The following STON2 variants were observed in gnomAD, a reference collection of about 807,000 sequenced individuals.
STON2 encodes the protein stonin-2.
STON2 carries 29 observed loss-of-function variants against 65.7 expected under a neutral mutation model. The observed-to-expected ratio is 0.44, with a 90% CI of 0.33 to 0.60. The LOEUF (loss-of-function observed/expected upper bound fraction) is 0.60. STON2 is among the 20% of genes least tolerant of loss of function. STON2 has a pLI of 0.03. For synonymous variants in STON2, 404 were observed against 414.2 expected (o/e 0.98, Z 0.30); for missense variants, 1,054 against 1,118.1 (o/e 0.94, Z 0.82).
At chr14:81,403,188 T>C (rs773197923), upstream of STON2, among the ~76,000 whole-genome samples, 33 of 152,198 alleles carry the variant, frequency 2.2e-4, no homozygotes, top group Non-Finnish European at 4.0e-4. Context: ...CATATATTAA[T>C]ACATTATTAA....
chr14:81,409,208 C>G (rs1383992902), intron 2 of STON2, among the ~76,000 whole-genome samples: 1 of 151,934 alleles, frequency 6.6e-6, no homozygotes, highest in African/African-American at 2.4e-5. Context: ...ATTTTCTGAC[C>G]AGACTGGCCA....
intron 4 of STON2, among the ~76,000 whole-genome samples, chr14:81,360,614 C>A (rs1245694151): frequency 6.6e-6 from 1 of 152,118 alleles, no homozygotes; most frequent in Non-Finnish European, 1.5e-5. Flanking sequence ...AGTCCTAGAA[C>A]AAGACAAGGA....
At chr14:81,368,308 G>A (rs990605175) in intron 4 of STON2, among the ~76,000 whole-genome samples, 3 of 152,102 alleles carry the variant, frequency 2.0e-5, no homozygotes, top group Non-Finnish European at 4.4e-5. Flanking sequence ...CTAGGAAATG[G>A]GGAGAATGAC....
At chr14:81,395,060 G>C (rs994108179) in intron 3 of STON2, 1 of 152,178 alleles carries the variant, frequency 6.6e-6, no homozygotes, top group African/African-American at 2.4e-5. Context: ...GCTTTACTAA[G>C]CTCCCCAGTG....
chr14:81,369,785 C>T (rs576808946), intron 4 of STON2, among the ~76,000 whole-genome samples: 81 of 152,208 alleles, frequency 5.3e-4, no homozygotes, highest in African/African-American at 1.9e-3. Flanking sequence ...GGAAAGGGGG[C>T]CCAGAGCAAT....
At chr14:81,352,203 C>T (rs966718496) in intron 4 of STON2, among the ~76,000 whole-genome samples, 29 of 151,974 alleles carry the variant, frequency 1.9e-4, no homozygotes, top group African/African-American at 6.3e-4. Flanking sequence ...CTAATACAAC[C>T]ATTAATACAG....
At position 81,278,077 on chromosome 14, in the gene STON2, G is replaced by C. The variant is rs1203949037; in HGVS notation, c.1405C>G (p.Leu469Val). ...GCTGATCCAGGCGGGTGAGCATCTA[G>C]TTCAATCCAGGCTACTGGGTCATCA... is the stretch of plus-strand genomic sequence containing the variant. Reference protein sequence around the residue: ...PDDDPVAWIELDAHPPGSARS... With the variant: ...PDDDPVAWIEVDAHPPGSARS... The change falls in exon 6 of 8, where the codon CTA becomes GTA. Residue 469 changes from leucine (L) to valine (V), a missense_variant. Transcript: ENST00000614646. 6.2e-7 allele frequency: 1 copy of C among 1,614,100 alleles called. No individual in the cohort carries two copies. The highest frequency in any genetic ancestry group is 8.5e-7 in the Non-Finnish European group (1 of 1,180,058).
intron 5 of STON2, among the ~76,000 whole-genome samples, chr14:81,283,530 A>AT (rs10653687): frequency 0.1 from 13,465 of 128,812 alleles, 1,318 homozygotes; most frequent in African/African-American, 0.23. Flanking sequence ...CAGATACTGC[A>AT]TTTTTTTTTT....
At chr14:81,392,711 C>A (rs1467567604) in intron 3 of STON2, among the ~76,000 whole-genome samples, 1 of 151,576 alleles carries the variant, frequency 6.6e-6, no homozygotes, top group Non-Finnish European at 1.5e-5. Context: ...TTTTTCAAGA[C>A]AATTATTACA....
Position 81,278,366 on chromosome 14 carries a change from G to A in STON2, c.1116C>T (p.Phe372=), listed in dbSNP as rs961775637. The A allele has an allele frequency of 4.3e-6, 7 of 1,614,128 alleles. No individual in the cohort carries two copies. Among genetic ancestry groups the A allele is most frequent in the Non-Finnish European group, 5.9e-6 (7 of 1,180,062 alleles). Residue 372 remains phenylalanine (F), a synonymous_variant, in exon 6 of 8, where the codon TTC becomes TTT. Transcript: ENST00000614646. ...GTACATCCTGCAGAGTCTCATTCAG[G>A]AAAGGGTTGGTTGCCCTCCAAGGTG... ...EASPWRATNP[F]LNETLQDVQP...
chr14:81,283,580 G>GAATGA (rs1895213172), intron 5 of STON2, among the ~76,000 whole-genome samples: 1 of 143,792 alleles, frequency 7.0e-6, no homozygotes, highest in Non-Finnish European at 1.5e-5. Context: ...GCCCAAGCTG[G>GAATGA]AATGCAGTGG....
chr14:81,314,519 C>G (rs567268153), intron 5 of STON2, among the ~76,000 whole-genome samples: 155 of 152,316 alleles, frequency 1.0e-3, no homozygotes, highest in Admixed American at 4.8e-3. Context: ...CCTGCCAGCA[C>G]GCAAAGTGAA....
At chr14:81,343,525 A>AG (rs758778013) in intron 4 of STON2, among the ~76,000 whole-genome samples, 1 of 152,136 alleles carries the variant, frequency 6.6e-6, no homozygotes, top group East Asian at 1.9e-4. Context: ...CATTTCACAA[A>AG]GCATATCGGG....
intron 4 of STON2, among the ~76,000 whole-genome samples, chr14:81,359,325 C>T (rs1291259956): frequency 6.6e-6 from 1 of 152,158 alleles, no homozygotes. Context: ...TTAAACATAT[C>T]TTGAGACAAA....
In STON2 at chr14:81,265,107, G is replaced by T; in HGVS notation, c.*3307C>A. On this transcript the variant is annotated 3_prime_UTR_variant, in exon 8 of 8. Transcript: ENST00000614646. ...AAAAAAAATAAAAAGTCCAGGTCCAGGGTTGCAAAAGTAGAATCTGCATAT... is the reference window on the plus strand; with the variant it reads ...AAAAAAAATAAAAAGTCCAGGTCCATGGTTGCAAAAGTAGAATCTGCATAT... The T allele has an allele frequency of 1.0e-6, 1 of 984,918 alleles. No homozygotes were observed. Among genetic ancestry groups the T allele is most frequent in the Non-Finnish European group, 1.2e-6 (1 of 829,814 alleles). The allele number at this position is 984,918 out of a possible 1,614,324, so 61.0% of individuals were successfully genotyped here.
At chr14:81,304,287 T>C (rs1003526331) in intron 5 of STON2, among the ~76,000 whole-genome samples, 1 of 152,236 alleles carries the variant, frequency 6.6e-6, no homozygotes, top group African/African-American at 2.4e-5. Flanking sequence ...TATCTGACAC[T>C]GTTTCAAGCA....
intron 5 of STON2, among the ~76,000 whole-genome samples, chr14:81,300,556 G>A (rs1004147434): frequency 6.6e-6 from 1 of 152,084 alleles, no homozygotes; most frequent in Non-Finnish European, 1.5e-5. Context: ...AGGCCACAAC[G>A]AAACTATATA....
At chr14:81,404,240 C>G (rs879612789), upstream of STON2, among the ~76,000 whole-genome samples, 2 of 152,188 alleles carry the variant, frequency 1.3e-5, no homozygotes, top group Non-Finnish European at 2.9e-5. Flanking sequence ...AATTCCAATA[C>G]AGCAGACACT....
In STON2 at chr14:81,264,362, A is replaced by G; in HGVS notation, c.*4052T>C. Reference sequence around the variant, plus strand: ...CTGGCTTTATTATGAGTATTTGATGATAAGTAAGGGTTAAGTAGCCTTCGA... The same window carrying G: ...CTGGCTTTATTATGAGTATTTGATGGTAAGTAAGGGTTAAGTAGCCTTCGA... On this transcript the variant is annotated 3_prime_UTR_variant, in exon 8 of 8. Transcript: ENST00000614646. 1.0e-6 allele frequency: 1 copy of G among 985,474 alleles called. No individual in the cohort carries two copies. The highest frequency in any genetic ancestry group is 4.7e-5 in the South Asian group (1 of 21,294). The allele number at this position is 985,474 out of a possible 1,614,324, so 61.0% of individuals were successfully genotyped here.
Sources: gnomAD v4.1 joint callset for allele counts (sites outside exome capture counted in the v4.1 genomes callset) on GRCh38, gnomAD v4.1.1 for gene constraint, MANE v1.5 for transcripts, NCBI Gene and HGNC (gene_info 2026-07-23, HGNC 2026-07-21) for gene names.